Variants in RGPD4 observed in about 807,000 individuals in gnomAD.
RGPD4 encodes the protein ranBP2-like and GRIP domain-containing protein 4.
Under a neutral mutation model 141.1 loss-of-function variants are expected in RGPD4, and 84 were observed. The observed-to-expected ratio is 0.60, with a 90% CI of 0.50 to 0.71. RGPD4 has a LOEUF of 0.71. RGPD4 is among the 30% of genes least tolerant of loss of function. The pLI is 0.00. For synonymous variants in RGPD4, 298 were observed against 566.8 expected (o/e 0.53, Z 6.74); for missense variants, 918 against 1,622.4 (o/e 0.57, Z 7.46).
chr2:107,882,634 T>C, intron 21 of RGPD4, 38 bp from the exon 22 acceptor site: 6 of 1,568,408 alleles, frequency 3.8e-6, no homozygotes, highest in Non-Finnish European at 3.5e-6. Context: ...AATCAGAAGC[T>C]CCTAAAGCCC....
intron 22 of RGPD4, among the ~76,000 whole-genome samples, chr2:107,886,001 C>T (rs569754785): frequency 1.2e-4 from 18 of 150,272 alleles, no homozygotes; most frequent in East Asian, 2.0e-4. Context: ...TGCAGTGAGC[C>T]GAGATGGTGC....
chr2:107,847,019 A>T (rs1284095230), intron 6 of RGPD4, among the ~76,000 whole-genome samples: 1 of 151,584 alleles, frequency 6.6e-6, no homozygotes, highest in African/African-American at 2.4e-5. Context: ...AGGCGGGTGG[A>T]TCACGAAGTC....
chr2:107,887,027 G>C (rs1382079164), intron 22 of RGPD4, among the ~76,000 whole-genome samples: 1 of 149,106 alleles, frequency 6.7e-6, no homozygotes, highest in South Asian at 2.2e-4. Flanking sequence ...AGGATTGCTT[G>C]AGAACAGGAG....
chr2:107,878,151 A>G (rs1177467596), intron 20 of RGPD4, among the ~76,000 whole-genome samples: 3 of 151,380 alleles, frequency 2.0e-5, no homozygotes, highest in African/African-American at 4.9e-5. Flanking sequence ...GCAATTCCTC[A>G]TACACCTTTC....
intron 8 of RGPD4, 66 bp downstream of exon 8, chr2:107,854,709 T>C (rs1472725546): frequency 7.6e-6 from 12 of 1,573,942 alleles, no homozygotes; most frequent in Admixed American, 1.8e-5. Context: ...GCATATCTTA[T>C]GATAAAATCT....
At position 107,826,905 on chromosome 2, in the gene RGPD4, G is replaced by C. The variant is rs1017020008; in HGVS notation, c.-109G>C. 209 of 1,543,350 alleles carry C rather than the reference G, an allele frequency of 1.4e-4. 1 individual carries two copies. The East Asian group carries it at 5.0e-3, about 37-fold the overall frequency. ...CACAAGTTCGTCACAGTGGTCCTCC[G>C]CCGGCTACGCGGAGTCAGTGGCTTT... On this transcript the variant is annotated 5_prime_UTR_variant, in exon 1 of 23. Transcript: ENST00000408999.
chr2:107,831,588 T>C (rs1408676902), intron 1 of RGPD4, among the ~76,000 whole-genome samples: 1 of 139,844 alleles, frequency 7.2e-6, no homozygotes, highest in Non-Finnish European at 1.6e-5. Flanking sequence ...TTTTTTTTTT[T>C]TTTTTGAGAC....
At chr2:107,858,014 G>A (rs1682387819) in intron 9 of RGPD4, among the ~76,000 whole-genome samples, 1 of 152,060 alleles carries the variant, frequency 6.6e-6, no homozygotes, top group East Asian at 1.9e-4. Flanking sequence ...TGGAATTATA[G>A]GCATGAGCCA....
intron 22 of RGPD4, chr2:107,883,167 C>T (rs370199785): frequency 6.2e-5 from 38 of 617,390 alleles, no homozygotes; most frequent in Middle Eastern, 4.4e-4. Context: ...TTCAGCTGAA[C>T]GTGGTTTTGT....
intron 20 of RGPD4, among the ~76,000 whole-genome samples, chr2:107,875,465 A>G (rs1408155137): frequency 7.3e-6 from 1 of 136,692 alleles, no homozygotes; most frequent in African/African-American, 2.9e-5. Flanking sequence ...CATATTGGAC[A>G]CCATAGCTCT....
intron 1 of RGPD4, among the ~76,000 whole-genome samples, chr2:107,831,621 G>C (rs1448621537): frequency 2.7e-5 from 3 of 109,336 alleles, no homozygotes; most frequent in African/African-American, 1.2e-4. Context: ...TATCGTCCAG[G>C]CTGGAGTGTA....
At chr2:107,888,431 C>G (rs1220385714) in intron 22 of RGPD4, among the ~76,000 whole-genome samples, 1 of 151,424 alleles carries the variant, frequency 6.6e-6, no homozygotes, top group African/African-American at 2.4e-5. Flanking sequence ...TTCCTGGGAA[C>G]AAGGTTACCT....
At chr2:107,829,500 C>T (rs1177753186) in intron 1 of RGPD4, among the ~76,000 whole-genome samples, 7 of 116,396 alleles carry the variant, frequency 6.0e-5, no homozygotes, top group Admixed American at 2.6e-4. Flanking sequence ...TGGCTACCGA[C>T]GGGCGCTGCT....
intron 1 of RGPD4, among the ~76,000 whole-genome samples, chr2:107,832,839 A>C (rs1410941892): frequency 6.6e-6 from 1 of 150,832 alleles, no homozygotes; most frequent in East Asian, 1.9e-4. Flanking sequence ...GTTTTCTGGA[A>C]GTGTCCTTTC....
At chr2:107,853,990 C>A (rs1040694377) in intron 7 of RGPD4, among the ~76,000 whole-genome samples, 1 of 145,282 alleles carries the variant, frequency 6.9e-6, no homozygotes, top group East Asian at 2.0e-4. Flanking sequence ...CTCAAGTGAT[C>A]CCCCCACCTT....
At position 107,871,719 on chromosome 2, in the gene RGPD4, A is replaced by C; in HGVS notation, c.3715A>C (p.Asn1239His). The change falls in exon 20 of 23, where the codon AAT becomes CAT. Residue 1239 changes from asparagine to histidine, a missense_variant. By Grantham distance (68) the Asn-to-His change is moderately conservative. Coordinates refer to ENST00000408999, the MANE Select transcript of RGPD4 (RefSeq NM_182588.3). ...AGASDTTIKPNPENTGPTLEW... is the reference protein window; with the variant it reads ...AGASDTTIKPHPENTGPTLEW... The stretch of plus-strand genomic sequence containing the variant: ...TGCCTCAGACACAACAATAAAACCC[A>C]ATCCTGAAAACACTGGGCCCACATT... 3.1e-6 allele frequency: 5 copies of C among 1,610,802 alleles called. No individual in the cohort carries two copies. Among genetic ancestry groups the C allele is most frequent in the Non-Finnish European group, 4.2e-6 (5 of 1,179,802 alleles).
chr2:107,834,418 A>G (rs1446710717), intron 1 of RGPD4, among the ~76,000 whole-genome samples: 2 of 151,750 alleles, frequency 1.3e-5, no homozygotes, highest in Admixed American at 6.6e-5. Flanking sequence ...TGAGTTTTAA[A>G]TTGCAAACAG....
At chr2:107,830,803 T>C (rs949960268) in intron 1 of RGPD4, among the ~76,000 whole-genome samples, 2 of 152,056 alleles carry the variant, frequency 1.3e-5, no homozygotes, top group Non-Finnish European at 2.9e-5. Flanking sequence ...CTTTCTAGAA[T>C]GTCGGAGTTT....
At chr2:107,876,779 A>G (rs928960650) in intron 20 of RGPD4, among the ~76,000 whole-genome samples, 3 of 151,950 alleles carry the variant, frequency 2.0e-5, no homozygotes, top group Non-Finnish European at 4.4e-5. Context: ...AGTATATGCC[A>G]AAGAATCAAC....
Sources: allele counts gnomAD v4.1 joint callset (sites outside exome capture counted in the v4.1 genomes callset), GRCh38; gene constraint gnomAD v4.1.1; transcripts MANE v1.5; gene names NCBI Gene and HGNC (gene_info 2026-07-23, HGNC 2026-07-21).